Variants in HMCN1 observed in about 807,000 individuals in gnomAD.
HMCN1 encodes the protein hemicentin 1, also known as hemicentin-1.
Under a neutral mutation model 625.9 loss-of-function variants are expected in HMCN1, and 321 were observed. That is an observed-to-expected ratio of 0.51 (90% CI 0.47 to 0.56). The LOEUF (loss-of-function observed/expected upper bound fraction) is 0.56. Among genes scored for constraint, HMCN1 ranks in the 20% least tolerant of loss-of-function variants. The pLI, the probability that HMCN1 is intolerant of heterozygous loss-of-function variation, is 0.00. For missense variants in HMCN1, 6,588 were observed against 6,887.3 expected, an observed-to-expected ratio of 0.96 and a Z score of 1.54; for synonymous variants, 2,425 against 2,417.6, an observed-to-expected ratio of 1.00 and a Z score of -0.09.
intron 89 of HMCN1, among the ~76,000 whole-genome samples, chr1:186,139,454 T>C (rs1440427959): frequency 2.0e-5 from 3 of 152,322 alleles, no homozygotes; most frequent in Admixed American, 1.3e-4. Flanking sequence ...ATTTGTCATC[T>C]ATAATAACTA....
At chr1:185,826,779 C>T (rs959739120) in intron 1 of HMCN1, among the ~76,000 whole-genome samples, 6 of 152,152 alleles carry the variant, frequency 3.9e-5, no homozygotes, top group African/African-American at 1.2e-4. Flanking sequence ...CAAAATCCTA[C>T]ATCACAGGAA....
At chr1:185,960,076 C>T (rs1193026872) in intron 11 of HMCN1, among the ~76,000 whole-genome samples, 1 of 150,812 alleles carries the variant, frequency 6.6e-6, no homozygotes, top group Non-Finnish European at 1.5e-5. Flanking sequence ...TCTAATTTTG[C>T]TCCTCTGTAT....
chr1:185,928,565 T>C lies in HMCN1; in HGVS notation c.1450T>C (p.Leu484=), dbSNP rs1667389364. The change falls in exon 10 of 107, where the codon TTA becomes CTA. Residue 484 remains leucine, a synonymous_variant. Transcript: ENST00000271588. Reference sequence around the variant, plus strand: ...CTCCAGAGAATCTGCCAGTGTGAACTTAGATATTGCAAAGGTCACTTTGTC... The same window carrying C: ...CTCCAGAGAATCTGCCAGTGTGAACCTAGATATTGCAAAGGTCACTTTGTC... ...QYLKESASVN[L]DIAKVTLSDE... 6.2e-7 allele frequency: 1 copy of C among 1,613,168 alleles called. No individual in the cohort carries two copies. Among genetic ancestry groups the C allele is most frequent in the Admixed American group, 1.7e-5 (1 of 59,990 alleles).
intron 65 of HMCN1, 23 bp downstream of exon 65, chr1:186,093,281 T>A (rs764927319): frequency 1.1e-5 from 18 of 1,613,122 alleles, no homozygotes; most frequent in South Asian, 1.1e-4. Flanking sequence ...TATCCCCCTC[T>A]TTTGATGATG....
intron 2 of HMCN1, among the ~76,000 whole-genome samples, chr1:185,862,871 T>A (rs1047124110): frequency 1.3e-5 from 2 of 152,224 alleles, no homozygotes; most frequent in African/African-American, 4.8e-5. Flanking sequence ...CTCTCAGTTT[T>A]AGAGTCAATT....
At chr1:185,909,599 A>G in intron 5 of HMCN1, 91 bp downstream of exon 5, 1 of 1,083,860 alleles carries the variant, frequency 9.2e-7, no homozygotes, top group Non-Finnish European at 1.4e-6. Context: ...GTTAATGCCA[A>G]CTTCATGAAT....
rs184095385 is a variant in HMCN1 at position 186,136,663 on chromosome 1, C to T, written c.13313-5C>T. On this transcript the variant is annotated splice_region_variant and splice_polypyrimidine_tract_variant and intron_variant, in intron 86 of 106. Transcript: ENST00000271588. ...AACTGAGACACTATGTGCTTTTTTC[C>T]GTAGGTCCTCCTATTATCACTCTTG... The T allele has an allele frequency of 3.2e-3, 5,202 of 1,612,862 alleles. 16 individuals are homozygous for T. Among genetic ancestry groups the T allele is most frequent in the Non-Finnish European group, 4.1e-3 (4,782 of 1,179,412 alleles).
At chr1:186,057,597 C>T (rs1657425844) in intron 46 of HMCN1, among the ~76,000 whole-genome samples, 196 bp downstream of exon 46, 1 of 151,832 alleles carries the variant, frequency 6.6e-6, no homozygotes, top group Non-Finnish European at 1.5e-5. Flanking sequence ...CTCCAAATAT[C>T]TCTAGACCCC....
chr1:185,995,351 C>T (rs545422154), intron 24 of HMCN1, among the ~76,000 whole-genome samples: 2 of 152,152 alleles, frequency 1.3e-5, no homozygotes, highest in East Asian at 3.9e-4. Flanking sequence ...AGATGATGCC[C>T]CACCCACTAT....
intron 11 of HMCN1, among the ~76,000 whole-genome samples, chr1:185,938,839 A>T (rs1434595820): frequency 1.3e-5 from 2 of 152,150 alleles, no homozygotes; most frequent in East Asian, 3.8e-4. Flanking sequence ...TTTTCTGCTT[A>T]AGTCAGCCAG....
intron 3 of HMCN1, 120 bp downstream of exon 3, chr1:185,864,748 A>G (rs41458549): frequency 0.26 from 223,044 of 857,206 alleles, 31,142 homozygotes; most frequent in Non-Finnish European, 0.29. Flanking sequence ...ATCCACATGT[A>G]TGTTCTCCAA....
chr1:185,796,609 T>C (rs564070282), intron 1 of HMCN1, among the ~76,000 whole-genome samples: 2 of 151,664 alleles, frequency 1.3e-5, no homozygotes, highest in African/African-American at 2.4e-5. Context: ...ATTCTTCTTT[T>C]ATGGCTGAGT....
At chr1:186,009,200 G>A (rs914889939) in intron 30 of HMCN1, among the ~76,000 whole-genome samples, 1 of 152,198 alleles carries the variant, frequency 6.6e-6, no homozygotes, top group South Asian at 2.1e-4. Flanking sequence ...GATCTGTGAT[G>A]AATACATTTT....
chr1:186,180,718 T>C (rs1169423539), intron 104 of HMCN1, among the ~76,000 whole-genome samples: 1 of 152,188 alleles, frequency 6.6e-6, no homozygotes, highest in Non-Finnish European at 1.5e-5. Flanking sequence ...GGGTCAATCT[T>C]GGAGAATCTA....
At chr1:185,900,815 G>A (rs1051255115) in intron 4 of HMCN1, among the ~76,000 whole-genome samples, 2 of 151,860 alleles carry the variant, frequency 1.3e-5, no homozygotes, top group African/African-American at 4.8e-5. Context: ...TCAGAGTAGA[G>A]ATATACAAAA....
chr1:186,119,057 C>G, intron 77 of HMCN1, 134 bp from the exon 78 acceptor site: 1 of 709,268 alleles, frequency 1.4e-6, no homozygotes. Flanking sequence ...CTAGGCACTT[C>G]AGGGGATACA....
At chr1:185,817,247 C>T (rs1010800796) in intron 1 of HMCN1, among the ~76,000 whole-genome samples, 1 of 152,092 alleles carries the variant, frequency 6.6e-6, no homozygotes, top group African/African-American at 2.4e-5. Context: ...TAAAGTCATT[C>T]TAACTGGGAG....
At chr1:186,099,383 G>A (rs190269861) in intron 68 of HMCN1, among the ~76,000 whole-genome samples, 15 of 152,202 alleles carry the variant, frequency 9.9e-5, no homozygotes, top group African/African-American at 3.4e-4. Context: ...CACAGAACAT[G>A]AGGAGTAAGA....
intron 1 of HMCN1, among the ~76,000 whole-genome samples, chr1:185,767,678 T>G (rs1258968197): frequency 2.6e-5 from 4 of 152,192 alleles, no homozygotes; most frequent in Non-Finnish European, 5.9e-5. Flanking sequence ...GTTGGTTATG[T>G]AATATCCAAT....
Sources: gnomAD v4.1 joint callset for allele counts (sites outside exome capture counted in the v4.1 genomes callset) on GRCh38, gnomAD v4.1.1 for gene constraint, MANE v1.5 for transcripts, NCBI Gene and HGNC (gene_info 2026-07-23, HGNC 2026-07-21) for gene names.